Variants in KCNK13 observed in about 807,000 individuals in gnomAD.
KCNK13 encodes potassium two pore domain channel subfamily K member 13.
A neutral mutation model predicts 23.4 loss-of-function variants in KCNK13; 12 were observed. The observed-to-expected ratio is 0.51, with a 90% confidence interval of 0.33 to 0.83. The LOEUF (loss-of-function observed/expected upper bound fraction) is 0.83, where lower values mean the gene tolerates loss of function less well. Ranked by LOEUF, KCNK13 falls within the 40% of genes least tolerant of loss-of-function variation. The pLI, the probability that KCNK13 is intolerant of heterozygous loss-of-function variation, is 0.02. For synonymous variants in KCNK13, 231 were observed against 229.5 expected (o/e 1.01, Z -0.06); for missense variants, 463 against 556.3 (o/e 0.83, Z 1.69).
At chr14:90,133,906 A>G (rs1345395489) in intron 1 of KCNK13, among the ~76,000 whole-genome samples, 1 of 152,174 alleles carries the variant, frequency 6.6e-6, no homozygotes, top group African/African-American at 2.4e-5. Context: ...TTGCTTTCTC[A>G]GTATAACTCC....
chr14:90,122,735 G>A (rs1846412031), intron 1 of KCNK13, among the ~76,000 whole-genome samples: 1 of 152,162 alleles, frequency 6.6e-6, no homozygotes, highest in African/African-American at 2.4e-5. Flanking sequence ...AACTAACTTG[G>A]AGGAGACCAA....
chr14:90,121,877 G>A (rs546705464), intron 1 of KCNK13, among the ~76,000 whole-genome samples: 3 of 151,934 alleles, frequency 2.0e-5, no homozygotes, highest in South Asian at 2.1e-4. Context: ...GCAACACCAC[G>A]CCTGGCTAAT....
chr14:90,084,981 C>T (rs980821111), intron 1 of KCNK13, among the ~76,000 whole-genome samples: 1 of 151,952 alleles, frequency 6.6e-6, no homozygotes, highest in Non-Finnish European at 1.5e-5. Context: ...TTCACTCTGT[C>T]CCCCAGGCTG....
At chr14:90,131,351 C>T (rs1184221369) in intron 1 of KCNK13, among the ~76,000 whole-genome samples, 3 of 152,038 alleles carry the variant, frequency 2.0e-5, no homozygotes, top group Non-Finnish European at 4.4e-5. Context: ...CCTGCCTCAG[C>T]CTCCCGAGTA....
In KCNK13 at chr14:90,062,564, G is replaced by T; in HGVS notation, c.334+25G>T. Reference sequence around the variant, plus strand: ...GGTAAGTGTGCTGGCCGGACTCGCTGACAACCTCCGGGCGGCCTCCACTTC... The same window carrying T: ...GGTAAGTGTGCTGGCCGGACTCGCTTACAACCTCCGGGCGGCCTCCACTTC... On this transcript the variant is annotated intron_variant, in intron 1 of 1. Coordinates refer to ENST00000282146, the MANE Select transcript of KCNK13 (RefSeq NM_022054.4). This position sits in a 1 kb window ranked among gnomAD's most constrained non-coding sequence, Gnocchi z 4.5. 7.0e-7 allele frequency: 1 copy of T among 1,431,730 alleles called. No homozygotes were observed. The highest frequency in any genetic ancestry group is 1.5e-5 in the South Asian group (1 of 66,884). 88.7% of individuals were successfully genotyped at this position (1,431,730 alleles called of 1,614,324 possible).
At chr14:90,097,688 C>T (rs1889428265) in intron 1 of KCNK13, among the ~76,000 whole-genome samples, 1 of 152,168 alleles carries the variant, frequency 6.6e-6, no homozygotes, top group Non-Finnish European at 1.5e-5. Flanking sequence ...CGCAGAGGCT[C>T]ACGCTCCCCA....
At chr14:90,100,434 G>A (rs1178768490) in intron 1 of KCNK13, among the ~76,000 whole-genome samples, 8 of 152,038 alleles carry the variant, frequency 5.3e-5, no homozygotes, top group Non-Finnish European at 1.2e-4. Flanking sequence ...TGGTGACCTC[G>A]GGGATATAAG....
At chr14:90,109,514 T>G (rs1490056805) in intron 1 of KCNK13, among the ~76,000 whole-genome samples, 1 of 148,764 alleles carries the variant, frequency 6.7e-6, no homozygotes, top group Non-Finnish European at 1.5e-5. Context: ...GTTCACGCCA[T>G]TCTCCTGCCT....
chr14:90,152,095 G>A (rs1890139546), intron 1 of KCNK13, among the ~76,000 whole-genome samples: 1 of 152,160 alleles, frequency 6.6e-6, no homozygotes, highest in Non-Finnish European at 1.5e-5. Context: ...CTCACATGTT[G>A]TGGGAGGGAC....
intron 1 of KCNK13, among the ~76,000 whole-genome samples, chr14:90,125,284 C>T (rs951061272): frequency 5.3e-5 from 8 of 150,954 alleles, no homozygotes; most frequent in South Asian, 2.1e-4. Context: ...AGTGCAGTGG[C>T]GTGATCTCGG....
chr14:90,165,931 T>C (rs1298782387), intron 1 of KCNK13, among the ~76,000 whole-genome samples: 1 of 152,206 alleles, frequency 6.6e-6, no homozygotes, highest in Non-Finnish European at 1.5e-5. Context: ...CGCAAGCTGA[T>C]GCACTCTGAT....
At chr14:90,116,172 C>T (rs1889674886) in intron 1 of KCNK13, among the ~76,000 whole-genome samples, 1 of 152,120 alleles carries the variant, frequency 6.6e-6, no homozygotes. Flanking sequence ...TCACATATAT[C>T]GTAGCCACAT....
At position 90,062,300 on chromosome 14, in the gene KCNK13, TGGG is replaced by T; in HGVS notation, c.96_98del (p.Gly34del). On this transcript the variant is annotated inframe_deletion, in exon 1 of 2. Transcript: ENST00000282146. This position sits in a 1 kb window ranked among gnomAD's most constrained non-coding sequence, Gnocchi z 4.5. Reference sequence around the variant, plus strand: ...GCCGCGCTCATCGTGCTCTACCTGCTGGGCGGCGCCGCCGTCTTCTCCGCGCTG... The same window carrying T: ...GCCGCGCTCATCGTGCTCTACCTGCTCGGCGCCGCCGTCTTCTCCGCGCTG... 2 of 1,561,094 alleles carry T rather than the reference TGGG, an allele frequency of 1.3e-6. No individual in the cohort carries two copies. Among genetic ancestry groups the T allele is most frequent in the Non-Finnish European group, 1.7e-6 (2 of 1,161,498 alleles).
intron 1 of KCNK13, among the ~76,000 whole-genome samples, chr14:90,117,354 C>G (rs11852053): frequency 0.75 from 113,773 of 151,934 alleles, 42,752 homozygotes; most frequent in Admixed American, 0.8. Flanking sequence ...CTTTGGGAGG[C>G]TGAGGAAGGT....
At chr14:90,116,756 C>T (rs898792721) in intron 1 of KCNK13, among the ~76,000 whole-genome samples, 2 of 152,220 alleles carry the variant, frequency 1.3e-5, no homozygotes, top group African/African-American at 2.4e-5. Context: ...CACAACTGCT[C>T]AGGAAATCCC....
chr14:90,184,787 G>A lies in KCNK13; in HGVS notation c.1011G>A (p.Thr337=), dbSNP rs764305711. 17 of 1,612,732 alleles carry A rather than the reference G, an allele frequency of 1.1e-5. No individual in the cohort carries two copies. The highest frequency in any genetic ancestry group is 1.1e-5 in the South Asian group (1 of 91,076). The change falls in exon 2 of 2, where the codon ACG becomes ACA. Residue 337 remains threonine (T), a synonymous_variant. Coordinates refer to ENST00000282146, the MANE Select transcript of KCNK13 (RefSeq NM_022054.4). This position sits in a 1 kb window ranked among gnomAD's most constrained non-coding sequence, Gnocchi z 5.6. The part of the protein sequence containing the change: ...IETDGVAESD[T]DGRRLSGEMI... The stretch of plus-strand genomic sequence containing the variant: ...CAGACGGGGTGGCAGAGAGTGACAC[G>A]GACGGGCGCCGGCTCTCAGGGGAGA...
At chr14:90,131,801 C>T (rs80304428) in intron 1 of KCNK13, among the ~76,000 whole-genome samples, 15,067 of 152,214 alleles carry the variant, frequency 0.099, 1,052 homozygotes, top group Admixed American at 0.25. Context: ...AGTGAGGAGA[C>T]AGAGAAATTG....
chr14:90,144,239 TG>T (rs1890047719), intron 1 of KCNK13, among the ~76,000 whole-genome samples: 1 of 152,236 alleles, frequency 6.6e-6, no homozygotes, highest in Non-Finnish European at 1.5e-5. Flanking sequence ...AGTAATGTTT[TG>T]TAGTTTTCAG....
At chr14:90,153,072 A>G (rs1416666683) in intron 1 of KCNK13, among the ~76,000 whole-genome samples, 1 of 152,074 alleles carries the variant, frequency 6.6e-6, no homozygotes, top group African/African-American at 2.4e-5. Flanking sequence ...CTGAGCCTGC[A>G]TTGTTTCTCC....
Sources: allele counts gnomAD v4.1 joint callset (sites outside exome capture counted in the v4.1 genomes callset), GRCh38; gene constraint gnomAD v4.1.1; non-coding constraint Gnocchi (gnomAD v3.1); transcripts MANE v1.5; gene names NCBI Gene and HGNC (gene_info 2026-07-23, HGNC 2026-07-21).